Variants in CADM2 observed in about 807,000 individuals in gnomAD.
CADM2 encodes the protein cell adhesion molecule 2.
A neutral mutation model predicts 49.8 loss-of-function variants in CADM2; 12 were observed. The observed-to-expected ratio is 0.24, with a 90% CI of 0.15 to 0.39. CADM2 has a LOEUF of 0.39. CADM2 is among the 10% of genes least tolerant of loss of function. The probability of loss-of-function intolerance (pLI) is 1.00; values close to 1 mark genes in which losing one functional copy is unlikely to be tolerated. For synonymous variants in CADM2, 214 were observed against 175.4 expected (o/e 1.22, Z -1.74); for missense variants, 378 against 492.3 (o/e 0.77, Z 2.20).
intron 3 of CADM2, among the ~76,000 whole-genome samples, chr3:85,872,416 C>G (rs2075964557): frequency 6.6e-6 from 1 of 151,620 alleles, no homozygotes; most frequent in Non-Finnish European, 1.5e-5. Flanking sequence ...TCACATGTGT[C>G]TAATTTGATG....
At chr3:85,874,019 A>G (rs1163885172) in intron 3 of CADM2, among the ~76,000 whole-genome samples, 1 of 151,976 alleles carries the variant, frequency 6.6e-6, no homozygotes, top group African/African-American at 2.4e-5. Context: ...ATTATGGACT[A>G]TTGTTAATAA....
At chr3:85,096,449 A>C (rs1223005606) in intron 1 of CADM2, among the ~76,000 whole-genome samples, 19 of 152,094 alleles carry the variant, frequency 1.2e-4, no homozygotes, top group Admixed American at 1.2e-3. Context: ...AATTAAATTT[A>C]TTCTATAAGA....
At chr3:85,986,488 A>G (rs1728131965) in intron 8 of CADM2, among the ~76,000 whole-genome samples, 1 of 152,106 alleles carries the variant, frequency 6.6e-6, no homozygotes, top group Non-Finnish European at 1.5e-5. Flanking sequence ...GTAATAAAAC[A>G]CAATTTGCAC....
At chr3:85,409,860 C>T (rs2035576923) in intron 1 of CADM2, among the ~76,000 whole-genome samples, 1 of 152,002 alleles carries the variant, frequency 6.6e-6, no homozygotes, top group African/African-American at 2.4e-5. Context: ...AACTATATTT[C>T]AGGAAAAAAA....
chr3:85,713,573 A>G (rs2067189805), intron 1 of CADM2, among the ~76,000 whole-genome samples: 2 of 152,172 alleles, frequency 1.3e-5, no homozygotes, highest in African/African-American at 2.4e-5. Flanking sequence ...ACACTTACCC[A>G]CTGAAACCAC....
In CADM2 at chr3:85,324,694, G is replaced by A. The variant is rs940193404; in HGVS notation, c.61+365026G>A. ...ATTATTCTATCCAGAAAGAGAAATG[G>A]GAGCTTTGTAAACTCTGTGTGAACA... On this transcript the variant is annotated intron_variant, in intron 1 of 9. Transcript: ENST00000383699. Among the ~76,000 whole-genome samples, 30 of 152,080 alleles carry A rather than the reference G, an allele frequency of 2.0e-4. 1 individual carries two copies. Among genetic ancestry groups the A allele is most frequent in the African/African-American group, 5.3e-4 (22 of 41,420 alleles).
chr3:85,899,121 A>G (rs928885837), intron 5 of CADM2, among the ~76,000 whole-genome samples: 1 of 150,840 alleles, frequency 6.6e-6, no homozygotes, highest in Non-Finnish European at 1.5e-5. Flanking sequence ...GTGCACCAAC[A>G]TGTCTGGCTA....
chr3:85,611,036 T>G (rs1028745526), intron 1 of CADM2, among the ~76,000 whole-genome samples: 13 of 151,862 alleles, frequency 8.6e-5, no homozygotes, highest in Admixed American at 3.3e-4. Context: ...ATCATGTATA[T>G]CTGAAAATTC....
At chr3:85,168,711 T>G (rs949664337) in intron 1 of CADM2, among the ~76,000 whole-genome samples, 1 of 152,178 alleles carries the variant, frequency 6.6e-6, no homozygotes, top group Admixed American at 6.5e-5. Flanking sequence ...TAATATTGAT[T>G]CTGAAATAAA....
chr3:85,623,950 G>C (rs2064048290), intron 1 of CADM2, among the ~76,000 whole-genome samples: 3 of 152,126 alleles, frequency 2.0e-5, no homozygotes, highest in Admixed American at 6.6e-5. Context: ...GCTTTATTTT[G>C]ATACTGGTTT....
chr3:85,233,302 C>T (rs193098173), intron 1 of CADM2, among the ~76,000 whole-genome samples: 1 of 152,172 alleles, frequency 6.6e-6, no homozygotes, highest in African/African-American at 2.4e-5. Context: ...TTCTGTGTAA[C>T]ACCAAAATGA....
At chr3:85,809,203 T>G (rs985643879) in intron 3 of CADM2, among the ~76,000 whole-genome samples, 9 of 152,208 alleles carry the variant, frequency 5.9e-5, no homozygotes, top group African/African-American at 2.2e-4. Context: ...TTCTCAACAA[T>G]ACTATACAGT....
chr3:85,457,429 T>A (rs79116916), intron 1 of CADM2, among the ~76,000 whole-genome samples: 6,200 of 151,578 alleles, frequency 0.041, 427 homozygotes, highest in African/African-American at 0.14. Context: ...AAAAAAAAAA[T>A]TAAAAAGGAT....
intron 1 of CADM2, among the ~76,000 whole-genome samples, chr3:85,435,867 C>G (rs1436414036): frequency 6.6e-6 from 1 of 151,678 alleles, no homozygotes; most frequent in Non-Finnish European, 1.5e-5. Context: ...TTGATGGGGT[C>G]GTTTGTTTTT....
intron 1 of CADM2, among the ~76,000 whole-genome samples, chr3:85,357,651 C>A (rs2031985982): frequency 7.4e-6 from 1 of 135,974 alleles, no homozygotes; most frequent in African/African-American, 2.7e-5. Flanking sequence ...CTCCCAAATC[C>A]ATTCATCTTT....
At chr3:85,272,190 A>T (rs1470797) in intron 1 of CADM2, among the ~76,000 whole-genome samples, 1 of 150,882 alleles carries the variant, frequency 6.6e-6, no homozygotes, top group African/African-American at 2.4e-5. Context: ...ATGGAATGTT[A>T]TTTCCACTTA....
intron 1 of CADM2, among the ~76,000 whole-genome samples, chr3:85,145,559 A>C (rs2039713220): frequency 6.6e-6 from 1 of 152,004 alleles, no homozygotes; most frequent in East Asian, 1.9e-4. Context: ...CTTTTGAAAA[A>C]CTGTAAGGTA....
chr3:86,049,735 A>G (rs1338285069), intron 8 of CADM2, among the ~76,000 whole-genome samples: 1 of 152,090 alleles, frequency 6.6e-6, no homozygotes, highest in African/African-American at 2.4e-5. Flanking sequence ...TCGGTGCTAC[A>G]CACTTTTAAA....
chr3:85,804,717 G>T (rs921587603), intron 3 of CADM2, among the ~76,000 whole-genome samples: 5 of 152,092 alleles, frequency 3.3e-5, no homozygotes, highest in African/African-American at 1.2e-4. Context: ...GAATTGATTT[G>T]GGATATTTCA....
Sources: gnomAD v4.1 joint callset for allele counts (sites outside exome capture counted in the v4.1 genomes callset) on GRCh38, gnomAD v4.1.1 for gene constraint, MANE v1.5 for transcripts, NCBI Gene and HGNC (gene_info 2026-07-23, HGNC 2026-07-21) for gene names.